The following CNTNAP2 variants were observed in gnomAD, a reference collection of about 807,000 sequenced individuals.
CNTNAP2 encodes contactin associated protein 2.
In CNTNAP2, 98 loss-of-function variants were observed where a neutral mutation model predicts 155.2. The observed-to-expected ratio is 0.63, with a 90% confidence interval of 0.54 to 0.75. The LOEUF (loss-of-function observed/expected upper bound fraction) is 0.75. CNTNAP2 is among the 30% of genes least tolerant of loss of function. CNTNAP2 has a pLI of 0.00. For missense variants in CNTNAP2, 1,727 were observed against 1,688.1 expected (o/e 1.02, Z -0.40); for synonymous variants, 651 against 631.2 (o/e 1.03, Z -0.47).
intron 10 of CNTNAP2, among the ~76,000 whole-genome samples, chr7:147,416,904 C>T (rs1416717890): frequency 4.8e-5 from 7 of 144,862 alleles, no homozygotes; most frequent in African/African-American, 1.7e-4. Context: ...GACTGGCCAA[C>T]ATGGTGAAAC....
intron 16 of CNTNAP2, among the ~76,000 whole-genome samples, chr7:148,135,389 T>C (rs1338295328): frequency 6.6e-6 from 1 of 152,226 alleles, no homozygotes; most frequent in East Asian, 1.9e-4. Context: ...GGCTTAACTT[T>C]TGAAAGATAA....
intron 12 of CNTNAP2, among the ~76,000 whole-genome samples, chr7:147,587,894 A>G (rs1800661447): frequency 6.6e-6 from 1 of 152,136 alleles, no homozygotes; most frequent in Non-Finnish European, 1.5e-5. Context: ...ATTATGTTAG[A>G]AGCCAGAAGT....
At chr7:147,830,990 G>A (rs1287076372) in intron 13 of CNTNAP2, among the ~76,000 whole-genome samples, 1 of 152,130 alleles carries the variant, frequency 6.6e-6, no homozygotes, top group Non-Finnish European at 1.5e-5. Context: ...CCATAGCCTT[G>A]CTATCTATAC....
intron 1 of CNTNAP2, among the ~76,000 whole-genome samples, chr7:146,398,357 C>T (rs1178219071): frequency 6.6e-6 from 1 of 151,832 alleles, no homozygotes; most frequent in African/African-American, 2.4e-5. Flanking sequence ...CACGTGGTGG[C>T]AAGAAGAAGA....
chr7:147,922,841 A>T (rs531644548), intron 14 of CNTNAP2, among the ~76,000 whole-genome samples: 1 of 152,340 alleles, frequency 6.6e-6, no homozygotes, highest in Non-Finnish European at 1.5e-5. Context: ...TGCAAAAATC[A>T]GTTTGTTTGT....
chr7:147,786,412 A>G (rs1240076441), intron 13 of CNTNAP2, among the ~76,000 whole-genome samples: 1 of 152,192 alleles, frequency 6.6e-6, no homozygotes, highest in East Asian at 1.9e-4. Context: ...GGAGACTGAG[A>G]GGATGATGTG....
At chr7:146,151,809 T>C (rs947996678) in intron 1 of CNTNAP2, among the ~76,000 whole-genome samples, 1 of 149,210 alleles carries the variant, frequency 6.7e-6, no homozygotes, top group Admixed American at 6.8e-5. Flanking sequence ...TATTTTACCA[T>C]CATTGTTTAA....
At chr7:146,622,564 T>C (rs532740211) in intron 1 of CNTNAP2, among the ~76,000 whole-genome samples, 135 of 152,282 alleles carry the variant, frequency 8.9e-4, no homozygotes, top group Non-Finnish European at 1.6e-3. Context: ...TGTGTTCATA[T>C]TGATGTATCC....
intron 13 of CNTNAP2, among the ~76,000 whole-genome samples, chr7:147,835,722 A>T (rs952272693): frequency 1.3e-5 from 2 of 152,164 alleles, no homozygotes; most frequent in African/African-American, 2.4e-5. Context: ...GCAGTTAAGG[A>T]TCTGCAGATT....
chr7:147,960,156 C>T (rs555443829), intron 14 of CNTNAP2, among the ~76,000 whole-genome samples: 2 of 152,226 alleles, frequency 1.3e-5, no homozygotes, highest in South Asian at 4.1e-4. Context: ...AGTTTAGGCT[C>T]TTAAGTTGGA....
intron 1 of CNTNAP2, among the ~76,000 whole-genome samples, chr7:146,265,616 G>A (rs745963638): frequency 6.6e-6 from 1 of 151,852 alleles, no homozygotes; most frequent in Non-Finnish European, 1.5e-5. Context: ...GCACCACAGT[G>A]CCCAGCTAAT....
At chr7:146,820,327 A>G (rs1803254596) in intron 2 of CNTNAP2, among the ~76,000 whole-genome samples, 1 of 152,174 alleles carries the variant, frequency 6.6e-6, no homozygotes, top group Non-Finnish European at 1.5e-5. Context: ...AGGAATTAAT[A>G]AAAAAATTAT....
intron 9 of CNTNAP2, among the ~76,000 whole-genome samples, chr7:147,339,092 G>A (rs559350536): frequency 2.4e-4 from 36 of 152,018 alleles, no homozygotes; most frequent in African/African-American, 8.4e-4. Context: ...TGTCTACTTT[G>A]ACAAATTTTG....
intron 1 of CNTNAP2, among the ~76,000 whole-genome samples, chr7:146,324,469 T>G (rs1584869361): frequency 6.6e-6 from 1 of 152,120 alleles, no homozygotes; most frequent in African/African-American, 2.4e-5. Flanking sequence ...TTCCCCTGTG[T>G]CTCCTGTTTA....
At chr7:147,344,226 C>T (rs1000170112) in intron 9 of CNTNAP2, among the ~76,000 whole-genome samples, 1 of 151,896 alleles carries the variant, frequency 6.6e-6, no homozygotes, top group African/African-American at 2.4e-5. Flanking sequence ...GTTGTCTCAC[C>T]ATTTTCTCCC....
intron 2 of CNTNAP2, among the ~76,000 whole-genome samples, chr7:146,783,111 T>A (rs1802518166): frequency 6.6e-6 from 1 of 152,274 alleles, no homozygotes. Context: ...TCAATTTAAG[T>A]GAAAGAGATT....
At chr7:147,751,437 AT>A (rs1191653782) in intron 13 of CNTNAP2, among the ~76,000 whole-genome samples, 1 of 150,282 alleles carries the variant, frequency 6.7e-6, no homozygotes, top group Admixed American at 6.6e-5. Context: ...ATTATAGAGA[AT>A]TTATGATCTG....
At chr7:147,858,112 G>C (rs902348041) in intron 13 of CNTNAP2, among the ~76,000 whole-genome samples, 1 of 152,156 alleles carries the variant, frequency 6.6e-6, no homozygotes, top group African/African-American at 2.4e-5. Flanking sequence ...TTTTGAGATG[G>C]AGTCTCACTC....
At chr7:147,482,443 G>T (rs778957836) in intron 10 of CNTNAP2, among the ~76,000 whole-genome samples, 1 of 152,116 alleles carries the variant, frequency 6.6e-6, no homozygotes, top group East Asian at 1.9e-4. Flanking sequence ...AATCAGGCCC[G>T]TGTGGTGGCT....
Sources: allele counts gnomAD v4.1 joint callset (sites outside exome capture counted in the v4.1 genomes callset), GRCh38; gene constraint gnomAD v4.1.1; transcripts MANE v1.5; gene names NCBI Gene and HGNC (gene_info 2026-07-23, HGNC 2026-07-21).